TRPM3: variants seen among roughly 807,000 people sequenced by gnomAD.
TRPM3 encodes transient receptor potential cation channel subfamily M member 3, also known as long transient receptor potential channel 3.
TRPM3 carries 77 observed loss-of-function variants against 181.2 expected under a neutral mutation model. That is an observed-to-expected ratio of 0.42 (90% CI 0.35 to 0.51). The LOEUF is 0.51. TRPM3 is among the 20% of genes least tolerant of loss of function. TRPM3 has a pLI of 0.01. For missense variants in TRPM3, 1,759 were observed against 2,196.7 expected (o/e 0.80, Z 3.98); for synonymous variants, 745 against 796.4 (o/e 0.94, Z 1.09).
intron 6 of TRPM3, among the ~76,000 whole-genome samples, chr9:70,813,505 T>C (rs1164154935): frequency 6.6e-6 from 1 of 152,042 alleles, no homozygotes; most frequent in Non-Finnish European, 1.5e-5. Context: ...TAATAGACAC[T>C]AGGGACTCCA....
chr9:70,921,705 TTCTC>T (rs911737848), intron 1 of TRPM3, among the ~76,000 whole-genome samples: 1 of 151,874 alleles, frequency 6.6e-6, no homozygotes, highest in African/African-American at 2.4e-5. Flanking sequence ...CTTGTGCATG[TTCTC>T]TCTCTCTCTG....
intron 1 of TRPM3, among the ~76,000 whole-genome samples, chr9:71,111,994 T>C (rs1364779218): frequency 2.6e-5 from 4 of 152,312 alleles, no homozygotes; most frequent in East Asian, 3.9e-4. Context: ...CCATGATACA[T>C]GATATAGTAA....
intron 1 of TRPM3, among the ~76,000 whole-genome samples, chr9:71,329,636 A>G (rs932724386): frequency 1.3e-5 from 2 of 152,364 alleles, no homozygotes; most frequent in Middle Eastern, 3.4e-3. Context: ...ATATGTAGCC[A>G]TGAAGACAAA....
intron 22 of TRPM3, among the ~76,000 whole-genome samples, chr9:70,573,939 T>C (rs978899076): frequency 4.6e-5 from 7 of 151,240 alleles, no homozygotes; most frequent in Admixed American, 2.0e-4. Context: ...CTTGGATTGA[T>C]GCAGAAATGT....
upstream of TRPM3, chr9:71,446,885 C>T (rs899231546): frequency 4.8e-6 from 7 of 1,457,824 alleles, no homozygotes; most frequent in Non-Finnish European, 5.5e-6. Flanking sequence ...CGAGCGCTCT[C>T]GCTGGCTCCT....
chr9:71,024,325 G>C (rs959071129), intron 1 of TRPM3, among the ~76,000 whole-genome samples: 1 of 152,146 alleles, frequency 6.6e-6, no homozygotes, highest in Non-Finnish European at 1.5e-5. Flanking sequence ...TCACTATCAG[G>C]ATCTGGAAAA....
chr9:71,180,050 C>CTTTT (rs35877663), intron 1 of TRPM3, among the ~76,000 whole-genome samples: 8,203 of 100,870 alleles, frequency 0.081, 585 homozygotes, highest in Non-Finnish European at 0.099. Context: ...ATACATCCTT[C>CTTTT]TTTTTTTTTT....
intron 1 of TRPM3, among the ~76,000 whole-genome samples, chr9:71,167,588 C>T (rs1412845135): frequency 6.6e-6 from 1 of 152,148 alleles, no homozygotes; most frequent in Non-Finnish European, 1.5e-5. Flanking sequence ...TCTTCCACTC[C>T]TTACAGAAGT....
intron 11 of TRPM3, among the ~76,000 whole-genome samples, chr9:70,638,288 G>C (rs2057536545): frequency 6.6e-6 from 1 of 152,130 alleles, no homozygotes; most frequent in African/African-American, 2.4e-5. Context: ...CCAGAACCCA[G>C]AGAAATAAAT....
At chr9:71,078,039 T>A (rs1476464834) in intron 1 of TRPM3, among the ~76,000 whole-genome samples, 1 of 152,038 alleles carries the variant, frequency 6.6e-6, no homozygotes, top group African/African-American at 2.4e-5. Context: ...AGCTAGCAAC[T>A]CCGTCTCTAG....
At chr9:71,218,903 G>T (rs922224153) in intron 1 of TRPM3, among the ~76,000 whole-genome samples, 2 of 152,166 alleles carry the variant, frequency 1.3e-5, no homozygotes, top group African/African-American at 4.8e-5. Context: ...ACAGTCTACT[G>T]GGAAAAGTAG....
chr9:71,231,922 G>A (rs1182082577), intron 1 of TRPM3, among the ~76,000 whole-genome samples: 1 of 152,022 alleles, frequency 6.6e-6, no homozygotes, highest in Non-Finnish European at 1.5e-5. Context: ...CCTAAAAGTC[G>A]AAAACACACA....
chr9:70,797,636 G>A (rs1256340170), intron 6 of TRPM3, among the ~76,000 whole-genome samples: 2 of 152,148 alleles, frequency 1.3e-5, no homozygotes, highest in African/African-American at 4.8e-5. Flanking sequence ...TTTCAGATGA[G>A]TATCTTTCCT....
chr9:71,111,951 T>C (rs1335680015), intron 1 of TRPM3, among the ~76,000 whole-genome samples: 2 of 152,166 alleles, frequency 1.3e-5, no homozygotes, highest in African/African-American at 4.8e-5. Context: ...CCTGTAGGAA[T>C]CTGATAAGCT....
chr9:70,648,193 G>C (rs2059149021), intron 9 of TRPM3, among the ~76,000 whole-genome samples: 1 of 152,134 alleles, frequency 6.6e-6, no homozygotes, highest in Admixed American at 6.5e-5. Context: ...AGAAAAAACT[G>C]GCCAGGTTTG....
In TRPM3 at chr9:70,603,280, C is replaced by T. The variant is rs2060415799; in HGVS notation, c.2796+62G>A. Reference sequence around the variant, plus strand: ...ATCCCAGGCATCTTCCTGTCCCCTCCATCCACAGATAGAACTTAACCACTG... The same window carrying T: ...ATCCCAGGCATCTTCCTGTCCCCTCTATCCACAGATAGAACTTAACCACTG... On this transcript the variant is annotated intron_variant, in intron 20 of 25. Transcript: ENST00000677713. 8 of 1,559,070 alleles carry T rather than the reference C, an allele frequency of 5.1e-6. No homozygotes were observed. In the East Asian group the frequency reaches 1.8e-4, roughly 35 times the overall value.
At chr9:71,096,622 T>TCC (rs2067314869) in intron 1 of TRPM3, among the ~76,000 whole-genome samples, 1 of 144,738 alleles carries the variant, frequency 6.9e-6, no homozygotes, top group East Asian at 2.0e-4. Flanking sequence ...TCTCTCTCTC[T>TCC]CTCCCCCTCT....
chr9:71,240,181 C>T (rs937046151), intron 1 of TRPM3, among the ~76,000 whole-genome samples: 1 of 152,238 alleles, frequency 6.6e-6, no homozygotes, highest in African/African-American at 2.4e-5. Flanking sequence ...TTTATATGTA[C>T]CAGTTTTTGC....
At chr9:71,103,713 G>A (rs1360656785) in intron 1 of TRPM3, among the ~76,000 whole-genome samples, 1 of 152,120 alleles carries the variant, frequency 6.6e-6, no homozygotes, top group African/African-American at 2.4e-5. Flanking sequence ...CTCCACAGAG[G>A]ATAACCACAA....
Sources: gnomAD v4.1 joint callset for allele counts (sites outside exome capture counted in the v4.1 genomes callset) on GRCh38, gnomAD v4.1.1 for gene constraint, MANE v1.5 for transcripts, NCBI Gene and HGNC (gene_info 2026-07-23, HGNC 2026-07-21) for gene names.